VTCN1: variants seen among roughly 807,000 people sequenced by gnomAD.
The protein encoded by VTCN1 is V-set domain-containing T-cell activation inhibitor 1.
VTCN1 carries 26 observed loss-of-function variants against 26.5 expected under a neutral mutation model. The observed-to-expected ratio is 0.98, with a 90% CI of 0.72 to 1.36. VTCN1 has a LOEUF of 1.36. Ranked by LOEUF, VTCN1 falls within the 40% of genes most tolerant of loss-of-function variation. The pLI is 0.00. For missense variants in VTCN1, 298 were observed against 337.7 expected, an observed-to-expected ratio of 0.88 and a Z score of 0.92; for synonymous variants, 116 against 130.7, an observed-to-expected ratio of 0.89 and a Z score of 0.77.
chr1:117,190,133 C>G (rs1648173526), intron 1 of VTCN1, among the ~76,000 whole-genome samples: 2 of 152,244 alleles, frequency 1.3e-5, no homozygotes, highest in South Asian at 4.1e-4. Flanking sequence ...CAGCCTATGA[C>G]CCAGTGCTAG....
chr1:117,196,489 T>A (rs907983322), intron 1 of VTCN1, among the ~76,000 whole-genome samples: 2 of 151,852 alleles, frequency 1.3e-5, no homozygotes, highest in Non-Finnish European at 2.9e-5. Context: ...CGATAGATAT[T>A]TTTTTCCTTT....
At chr1:117,166,626 C>T (rs1460468661) in intron 2 of VTCN1, among the ~76,000 whole-genome samples, 3 of 142,192 alleles carry the variant, frequency 2.1e-5, no homozygotes, top group South Asian at 2.2e-4. Context: ...TGTGGTGGTG[C>T]GCGCCTGTAA....
intron 1 of VTCN1, among the ~76,000 whole-genome samples, chr1:117,182,370 C>G (rs571028584): frequency 1.3e-5 from 2 of 152,266 alleles, no homozygotes; most frequent in East Asian, 3.9e-4. Context: ...GACCTACATT[C>G]TCATATTTTA....
At chr1:117,156,464 G>A in intron 3 of VTCN1, 110 bp downstream of exon 3, 1 of 1,191,278 alleles carries the variant, frequency 8.4e-7, no homozygotes, top group African/African-American at 1.5e-5. Context: ...TAGCAGAATT[G>A]GGAGCATCAT....
chr1:117,164,272 A>G (rs1442706655), intron 2 of VTCN1, among the ~76,000 whole-genome samples: 1 of 152,088 alleles, frequency 6.6e-6, no homozygotes, highest in African/African-American at 2.4e-5. Context: ...CCCTGTATGT[A>G]AGTCCTAATA....
At chr1:117,184,408 G>T (rs990991568) in intron 1 of VTCN1, among the ~76,000 whole-genome samples, 1 of 152,116 alleles carries the variant, frequency 6.6e-6, no homozygotes, top group Non-Finnish European at 1.5e-5. Flanking sequence ...CACACAAAAA[G>T]TGACCAGAGG....
intron 3 of VTCN1, among the ~76,000 whole-genome samples, chr1:117,154,783 CAAAAAAAAAAAAAAAAAAAAGAAAGAA>C (rs1359627412): frequency 2.5e-5 from 1 of 39,896 alleles, no homozygotes; most frequent in Non-Finnish European, 5.5e-5. Flanking sequence ...AACTCCATCT[CAAAAAAAAAAAAAAAAAAAAGAAAGAA>C]AAGAAAAAAA....
At position 117,206,148 on chromosome 1, in the gene VTCN1, A is replaced by AT. The variant is rs34913979; in HGVS notation, c.32+4675dup. Among the ~76,000 whole-genome samples, 217 of 148,394 alleles carry AT rather than the reference A, an allele frequency of 1.5e-3. 1 individual carries two copies. The highest frequency in any genetic ancestry group is 4.7e-3 in the African/African-American group (192 of 40,496). The stretch of plus-strand genomic sequence containing the variant: ...AGGTGTGGTGGACTTTATTATTATC[A>AT]TTTTTTTTTTTTTTGTAGAATAAGA... On this transcript the variant is annotated intron_variant, in intron 1 of 5. Transcript: ENST00000369458.
In VTCN1 at chr1:117,153,197, C is replaced by T. The variant is rs1293307111; in HGVS notation, c.618G>A (p.Val206=). 6.2e-7 allele frequency: 1 copy of T among 1,613,990 alleles called. No individual in the cohort carries two copies. Among genetic ancestry groups the T allele is most frequent in the Non-Finnish European group, 8.5e-7 (1 of 1,180,032 alleles). The change falls in exon 4 of 6, where the codon GTG becomes GTA. Residue 206 remains valine, a synonymous_variant. Transcript: ENST00000369458. ...NTSFELNSEN[V]TMKVVSVLYN... ...AGAGCACAGACACAACCTTCATGGTCACATTCTCAGAGTTCAGCTCAAAGC... is the reference window on the plus strand; with the variant it reads ...AGAGCACAGACACAACCTTCATGGTTACATTCTCAGAGTTCAGCTCAAAGC...
At chr1:117,194,687 T>C (rs1648422519) in intron 1 of VTCN1, among the ~76,000 whole-genome samples, 1 of 152,214 alleles carries the variant, frequency 6.6e-6, no homozygotes, top group African/African-American at 2.4e-5. Flanking sequence ...TTATTCAGCC[T>C]ATGAGAGGCA....
chr1:117,178,924 G>A (rs1048594207), intron 1 of VTCN1, among the ~76,000 whole-genome samples: 2 of 152,018 alleles, frequency 1.3e-5, no homozygotes, highest in African/African-American at 4.8e-5. Flanking sequence ...CGTGGGCCCT[G>A]TGTATTCCAT....
intron 2 of VTCN1, among the ~76,000 whole-genome samples, chr1:117,166,875 T>G (rs369893862): frequency 1.3e-5 from 2 of 151,378 alleles, no homozygotes; most frequent in African/African-American, 4.8e-5. Context: ...GTGGATCACT[T>G]GAGGTCAGGA....
intron 2 of VTCN1, among the ~76,000 whole-genome samples, chr1:117,162,543 A>G (rs999169514): frequency 6.6e-6 from 1 of 152,196 alleles, no homozygotes; most frequent in Non-Finnish European, 1.5e-5. Flanking sequence ...GATGGGCTAG[A>G]GGCAGGTACC....
At chr1:117,199,545 C>T (rs1436668559) in intron 1 of VTCN1, among the ~76,000 whole-genome samples, 5 of 151,928 alleles carry the variant, frequency 3.3e-5, no homozygotes, top group Non-Finnish European at 5.9e-5. Flanking sequence ...AGACTGGTCT[C>T]GAACTCCTGA....
chr1:117,167,591 G>A lies in VTCN1; in HGVS notation c.97+2516C>T, dbSNP rs549242725. ...CACCCAGTATTGGTGAGGGTGTGGA[G>A]AGCTTGATCTCTCATGCATTGCTGG... On this transcript the variant is annotated intron_variant, in intron 2 of 5. Transcript: ENST00000369458. This position sits in a 1 kb window ranked among gnomAD's most constrained non-coding sequence, Gnocchi z 4.1. Among the ~76,000 whole-genome samples, 92 of 152,322 alleles carry A rather than the reference G, an allele frequency of 6.0e-4. 6 individuals are homozygous for A. In the South Asian group the frequency reaches 0.018, roughly 30 times the overall value.
Position 117,208,040 on chromosome 1 carries a change from G to C in VTCN1, c.32+2784C>G, listed in dbSNP as rs139096060. On this transcript the variant is annotated intron_variant, in intron 1 of 5. Transcript: ENST00000369458. ...AGGCTCTGAAGGCTCAGATTTTATAGGCTCAGGGAAGCTGAAAGTTGGACA... is the reference window on the plus strand; with the variant it reads ...AGGCTCTGAAGGCTCAGATTTTATACGCTCAGGGAAGCTGAAAGTTGGACA... Among the ~76,000 whole-genome samples the C allele has an allele frequency of 5.7e-3, 864 of 152,214 alleles. 4 individuals carry two copies. The highest frequency in any genetic ancestry group is 9.9e-3 in the Non-Finnish European group (675 of 68,022).
chr1:117,158,265 G>A (rs1284582363), intron 2 of VTCN1, among the ~76,000 whole-genome samples: 6 of 152,220 alleles, frequency 3.9e-5, no homozygotes, highest in Admixed American at 3.9e-4. Flanking sequence ...TGCCCTAGCA[G>A]AAGTTCTCCA....
At chr1:117,206,238 T>A (rs1649070338) in intron 1 of VTCN1, among the ~76,000 whole-genome samples, 1 of 152,006 alleles carries the variant, frequency 6.6e-6, no homozygotes, top group African/African-American at 2.4e-5. Flanking sequence ...AAGAGATCCC[T>A]GGGGCAATTA....
At chr1:117,171,259 G>C (rs1391480331) in intron 1 of VTCN1, among the ~76,000 whole-genome samples, 2 of 152,128 alleles carry the variant, frequency 1.3e-5, no homozygotes, top group East Asian at 3.8e-4. Context: ...ATCATTGATG[G>C]ACATTTGGGT....
Sources: gnomAD v4.1 joint callset for allele counts (sites outside exome capture counted in the v4.1 genomes callset) on GRCh38, gnomAD v4.1.1 for gene constraint, Gnocchi (gnomAD v3.1) non-coding constraint, MANE v1.5 for transcripts, NCBI Gene and HGNC (gene_info 2026-07-23, HGNC 2026-07-21) for gene names.